NUGGC: variants seen among roughly 807,000 people sequenced by gnomAD.
NUGGC encodes the protein nuclear GTPase, germinal center associated.
In NUGGC, 58 loss-of-function variants were observed where a neutral mutation model predicts 92.6. The ratio of observed to expected loss-of-function variants is 0.63; its 90% CI spans 0.51 to 0.78. The LOEUF is 0.78. Among genes scored for constraint, NUGGC ranks in the 30% least tolerant of loss-of-function variants. NUGGC has a pLI of 0.00. For missense variants in NUGGC, 925 were observed against 964.6 expected (o/e 0.96, Z 0.54); for synonymous variants, 376 against 366.4 (o/e 1.03, Z -0.30).
chr8:28,083,785 T>C lies in NUGGC; in HGVS notation c.-57A>G, dbSNP rs547625137. 1.3e-5 allele frequency: 2 copies of C among 149,480 alleles called. No individual in the cohort carries two copies. Among genetic ancestry groups the C allele is most frequent in the South Asian group, 4.2e-4 (2 of 4,730 alleles). The allele number at this position is 149,480 out of a possible 1,614,324, so 9.3% of individuals were successfully genotyped here. ...AAAGAAACAACTTACCAGATGTCAC[T>C]GAACAGAAAAAAAAAAAAAAAGTTC... On this transcript the variant is annotated 5_prime_UTR_variant, in exon 1 of 19. Coordinates refer to ENST00000413272, the MANE Select transcript of NUGGC (RefSeq NM_001010906.2).
intron 2 of NUGGC, 58 bp from the exon 3 acceptor site, chr8:28,070,414 T>C: frequency 1.1e-6 from 1 of 880,062 alleles, no homozygotes; most frequent in Admixed American, 2.2e-5. Context: ...TATTCTTGCC[T>C]CACCTCTATC....
In NUGGC at chr8:28,033,580, CG is replaced by C; in HGVS notation, c.1728del (p.Val577SerfsTer23). ...RIDLNEALTQ[P>X]VYDQIDPVFG... The stretch of plus-strand genomic sequence containing the variant: ...AAAACAGGGTCGATCTGGTCATAGA[CG>C]GGCTGAGTGAGGGCTTCATTTAGAT... On this transcript the variant is annotated frameshift_variant, in exon 14 of 19. Transcript: ENST00000413272. LOFTEE classifies it high-confidence loss of function. 6.8e-6 allele frequency: 11 copies of C among 1,613,954 alleles called. No homozygotes were observed. The highest frequency in any genetic ancestry group is 8.5e-6 in the Non-Finnish European group (10 of 1,179,876).
At chr8:28,029,096 G>A (rs1371156658) in intron 17 of NUGGC, among the ~76,000 whole-genome samples, 170 bp downstream of exon 17, 1 of 152,154 alleles carries the variant, frequency 6.6e-6, no homozygotes, top group Admixed American at 6.5e-5. Flanking sequence ...CAGGAAAGAG[G>A]AGAGGCACAA....
rs147103738 is a variant in NUGGC, at chr8:28,040,524, A to T, written c.1611+527T>A. On this transcript the variant is annotated intron_variant, in intron 13 of 18. Coordinates refer to ENST00000413272, the MANE Select transcript of NUGGC (RefSeq NM_001010906.2). The stretch of plus-strand genomic sequence containing the variant: ...CAAGACCCTCAGATCCCAGATTCCC[A>T]CTCTGTCTTTGCTGAACTGTGTACC... Among the ~76,000 whole-genome samples, 887 of 151,866 alleles carry T rather than the reference A, an allele frequency of 5.8e-3. 10 individuals carry two copies. The highest frequency in any genetic ancestry group is 0.018 in the African/African-American group (752 of 41,360).
chr8:28,045,642 T>C lies in NUGGC; in HGVS notation c.1331A>G (p.Glu444Gly). 1 of 1,611,842 alleles carries C rather than the reference T, an allele frequency of 6.2e-7. No individual in the cohort carries two copies. The highest frequency in any genetic ancestry group is 8.5e-7 in the Non-Finnish European group (1 of 1,179,398). The change falls in exon 12 of 19, where the codon GAA becomes GGA. Residue 444 changes from glutamate to glycine, a missense_variant. By Grantham distance (98) the Glu-to-Gly change is moderately conservative. Coordinates refer to ENST00000413272, the MANE Select transcript of NUGGC (RefSeq NM_001010906.2). ...EEETEIPKLR[E>G]YIRKSLLDKK... The stretch of plus-strand genomic sequence containing the variant: ...GTCCAAGAGGCTCTTCCTGATGTAT[T>C]CTCTTAACTTAGGGATTTCTGGAAT...
chr8:28,064,508 C>T lies in NUGGC; in HGVS notation c.921+14G>A, dbSNP rs1409728197. 9 of 1,611,888 alleles carry T rather than the reference C, an allele frequency of 5.6e-6. No individual in the cohort carries two copies. Among genetic ancestry groups the T allele is most frequent in the African/African-American group, 5.3e-5 (4 of 74,918 alleles). On this transcript the variant is annotated intron_variant, in intron 7 of 18. Transcript: ENST00000413272. ...TTTAGGGAAGAGAGAACTAAACCTA[C>T]GAAAGACAGTCACCTTTTTCCACAT...
chr8:28,042,277 G>A (rs1302226725), intron 12 of NUGGC, among the ~76,000 whole-genome samples: 8 of 152,094 alleles, frequency 5.3e-5, no homozygotes, highest in South Asian at 2.1e-4. Flanking sequence ...TCCCCACATG[G>A]GAACCTTGGT....
chr8:28,024,299 C>A (rs1436474970), intron 18 of NUGGC, among the ~76,000 whole-genome samples: 1 of 151,502 alleles, frequency 6.6e-6, no homozygotes, highest in Non-Finnish European at 1.5e-5. Flanking sequence ...CCCGCCTCGG[C>A]CTCCCAAAGT....
chr8:28,035,781 C>T (rs551778865), intron 13 of NUGGC, among the ~76,000 whole-genome samples: 5 of 152,346 alleles, frequency 3.3e-5, no homozygotes, highest in African/African-American at 7.2e-5. Context: ...AGCACAGTCA[C>T]CAATGAAACC....
rs748667608 is a variant in NUGGC, at chr8:28,030,324, T to A, written c.2003A>T (p.Lys668Met). The A allele has an allele frequency of 2.1e-5, 33 of 1,561,926 alleles. No homozygotes were observed. Among genetic ancestry groups the A allele is most frequent in the Non-Finnish European group, 3.5e-6 (4 of 1,148,090 alleles). The change falls in exon 16 of 19, where the codon AAG becomes ATG. Residue 668 changes from lysine to methionine, a missense_variant. Lys to Met is a moderately conservative substitution (Grantham distance 95, BLOSUM62 -1). Coordinates refer to ENST00000413272, the MANE Select transcript of NUGGC (RefSeq NM_001010906.2). The stretch of plus-strand genomic sequence containing the variant: ...GCAGCCCCCACCTTCGTAACAGAGC[T>A]TCAGGTCACTCTGGACAGAGGCAGT... ...SLTASVQSDL[K>M]LCYEEAAQIT...
At chr8:28,050,874 T>C (rs1374899096) in intron 10 of NUGGC, among the ~76,000 whole-genome samples, 1 of 152,110 alleles carries the variant, frequency 6.6e-6, no homozygotes, top group Non-Finnish European at 1.5e-5. Flanking sequence ...ACATAAATCA[T>C]GACTCATTTT....
In NUGGC at chr8:28,058,066, C is replaced by G. The variant is rs190088344; in HGVS notation, c.1116+192G>C. On this transcript the variant is annotated intron_variant, in intron 9 of 18. Coordinates refer to ENST00000413272, the MANE Select transcript of NUGGC (RefSeq NM_001010906.2). Reference sequence around the variant, plus strand: ...AATTAGCCAGGCATGATGGTGGGTACCTGTAATCCCAGCTACTCTGGAGGC... The same window carrying G: ...AATTAGCCAGGCATGATGGTGGGTAGCTGTAATCCCAGCTACTCTGGAGGC... 3.7e-4 allele frequency among the ~76,000 whole-genome samples: 57 copies of G among 152,104 alleles called. No individual in the cohort carries two copies. The East Asian group carries it at 0.011, about 29-fold the overall frequency.
intron 9 of NUGGC, among the ~76,000 whole-genome samples, chr8:28,056,618 C>T (rs2130190278): frequency 6.6e-6 from 1 of 151,928 alleles, no homozygotes; most frequent in South Asian, 2.1e-4. Context: ...ACAGACAAAC[C>T]CTGTAGCCTA....
At chr8:28,057,427 C>T (rs1401703294) in intron 9 of NUGGC, among the ~76,000 whole-genome samples, 5 of 150,930 alleles carry the variant, frequency 3.3e-5, no homozygotes, top group South Asian at 2.1e-4. Flanking sequence ...GTGCAACCTC[C>T]GCCTCCCAGG....
intron 17 of NUGGC, among the ~76,000 whole-genome samples, chr8:28,028,169 A>C (rs979539126): frequency 1.3e-5 from 2 of 151,952 alleles, no homozygotes; most frequent in African/African-American, 4.8e-5. Flanking sequence ...CAACGTACAC[A>C]TTTTTTAAGC....
At chr8:28,063,625 T>C (rs1281188654) in intron 7 of NUGGC, among the ~76,000 whole-genome samples, 1 of 152,166 alleles carries the variant, frequency 6.6e-6, no homozygotes, top group African/African-American at 2.4e-5. Context: ...TCTCCAAGGC[T>C]GTGTGGTCCT....
At chr8:28,070,742 C>T (rs1810570868) in intron 2 of NUGGC, among the ~76,000 whole-genome samples, 1 of 151,102 alleles carries the variant, frequency 6.6e-6, no homozygotes, top group Admixed American at 6.6e-5. Context: ...ACTACAGGCA[C>T]ACACCATCAC....
rs550485060 is a variant in NUGGC at position 28,068,074 on chromosome 8, A to G, written c.480+142T>C. The G allele has an allele frequency of 2.6e-5, 16 of 613,198 alleles. No individual in the cohort carries two copies. In the African/African-American group the frequency reaches 3.0e-4, roughly 11 times the overall value. The allele number at this position is 613,198 out of a possible 1,614,324, so 38.0% of individuals were successfully genotyped here. ...GGAAAGAAAGAAAAGGAAGAAAAAA[A>G]GGAAGAGAAGGAAGAAGGAAAGAAG... is the stretch of plus-strand genomic sequence containing the variant. On this transcript the variant is annotated intron_variant, in intron 5 of 18. Transcript: ENST00000413272.
chr8:28,068,604 C>T (rs971166116), intron 4 of NUGGC, among the ~76,000 whole-genome samples, 166 bp from the exon 5 acceptor site: 1 of 152,214 alleles, frequency 6.6e-6, no homozygotes, highest in Admixed American at 6.5e-5. Flanking sequence ...GTTGACCACA[C>T]AGAGTTGGCC....
Sources: allele counts gnomAD v4.1 joint callset (sites outside exome capture counted in the v4.1 genomes callset), GRCh38; gene constraint gnomAD v4.1.1; transcripts MANE v1.5; gene names NCBI Gene and HGNC (gene_info 2026-07-23, HGNC 2026-07-21).